TSC2: variants seen among roughly 807,000 people sequenced by gnomAD.
TSC2 encodes the protein tuberin.
A neutral mutation model predicts 202.2 loss-of-function variants in TSC2; 29 were observed. The ratio of observed to expected loss-of-function variants is 0.14; its 90% CI spans 0.11 to 0.20. The LOEUF is 0.20. TSC2 is among the 10% of genes least tolerant of loss of function. The pLI is 1.00. For missense variants in TSC2, 2,429 were observed against 2,420.0 expected (o/e 1.00, Z -0.08); for synonymous variants, 1,349 against 1,044.0 (o/e 1.29, Z -5.63).
intron 16 of TSC2, among the ~76,000 whole-genome samples, chr16:2,068,092 T>G (rs2087652553): frequency 6.6e-6 from 1 of 152,136 alleles, no homozygotes; most frequent in Non-Finnish European, 1.5e-5. Context: ...CAGGCTGGAG[T>G]GCAGCGGCAC....
chr16:2,086,516 C>G (rs1319009167), intron 37 of TSC2, 137 bp downstream of exon 37: 1 of 1,420,966 alleles, frequency 7.0e-7, no homozygotes, highest in East Asian at 2.5e-5. Flanking sequence ...AGGTTCCGAG[C>G]CTAACAGCGT....
In TSC2 at chr16:2,065,571, C is replaced by T. The variant is rs1465307943; in HGVS notation, c.1652C>T (p.Ala551Val). Residue 551 changes from alanine (A) to valine (V), a missense_variant, in exon 16 of 42, where the codon GCC becomes GTC. Physicochemically the swap from Ala to Val is moderately conservative, Grantham distance 64 (BLOSUM62 0). Transcript: ENST00000219476. The part of the protein sequence containing the change: ...PPPELEERDV[A>V]AYSASLEDVK... ...CCGGAGCTGGAAGAAAGGGATGTGG[C>T]CGCATACTCGGCCTCCTTGGAGGAT... 5.6e-6 allele frequency: 9 copies of T among 1,613,894 alleles called. No homozygotes were observed. The highest frequency in any genetic ancestry group is 1.1e-5 in the South Asian group (1 of 91,080).
chr16:2,082,796 C>G, intron 32 of TSC2: 1 of 541,450 alleles, frequency 1.8e-6, no homozygotes, highest in Non-Finnish European at 3.4e-6. Context: ...GTGACATCAG[C>G]TGAGCTGCAG....
chr16:2,055,277 C>T (rs945599685), intron 5 of TSC2, 125 bp from the exon 6 acceptor site: 84 of 812,030 alleles, frequency 1.0e-4, no homozygotes, highest in East Asian at 6.1e-4. Context: ...CTGTTGCTGC[C>T]GGGGGACTGA....
intron 4 of TSC2, 184 bp from the exon 5 acceptor site, chr16:2,054,112 C>T (rs1001235036): frequency 3.3e-5 from 30 of 896,090 alleles, no homozygotes; most frequent in Middle Eastern, 6.7e-4. Flanking sequence ...TGCGGTCGGC[C>T]GGTGCATCCG....
rs2090485397 is a variant in TSC2, at chr16:2,084,276, C to G, written c.4054C>G (p.Leu1352Val). The change falls in exon 34 of 42, where the codon CTG (leucine) becomes GTG (valine). Residue 1352 changes from leucine (L) to valine (V), a missense_variant. Transcript: ENST00000219476. ...QEEKSLHAEE[L>V]VGRGIPIERV... ...GGAGAAGTCGCTCCACGCGGAGGAGCTGGTTGGCAGGGGCATCCCCATCGA... is the reference window on the plus strand; with the variant it reads ...GGAGAAGTCGCTCCACGCGGAGGAGGTGGTTGGCAGGGGCATCCCCATCGA... 1 of 1,611,122 alleles carries G rather than the reference C, an allele frequency of 6.2e-7. No individual in the cohort carries two copies. The highest frequency in any genetic ancestry group is 1.7e-5 in the Admixed American group (1 of 59,892).
chr16:2,071,683 C>CT, intron 18 of TSC2, 67 bp downstream of exon 18: 1 of 1,604,540 alleles, frequency 6.2e-7, no homozygotes, highest in Non-Finnish European at 8.5e-7. Context: ...TGTGGTGGCG[C>CT]TGTTTGCATG....
At chr16:2,050,280 ATC>A in intron 2 of TSC2, 118 bp from the exon 3 acceptor site, 2 of 967,408 alleles carry the variant, frequency 2.1e-6, no homozygotes, top group South Asian at 1.4e-5. Context: ...TTCCAGAAAG[ATC>A]TGTTTTAAGT....
In TSC2 at chr16:2,084,464, T is replaced by A. The variant is rs2151529036; in HGVS notation, c.4242T>A (p.Val1414=). Residue 1414 remains valine, a synonymous_variant, in exon 34 of 42, where the codon GTT becomes GTA. Transcript: ENST00000219476. ...KADVGRLSPE[V]KARSQSGTLD... ...ACGTGGGCCGGCTGAGCCCTGAGGT[T>A]AAGGCCCGGTCACAGTCAGGGACCC... The A allele has an allele frequency of 1.2e-6, 2 of 1,609,328 alleles. No homozygotes were observed. The highest frequency in any genetic ancestry group is 1.7e-6 in the Non-Finnish European group (2 of 1,178,600).
chr16:2,087,825 G>T (rs777681250), intron 38 of TSC2, 38 bp from the exon 39 acceptor site: 1 of 1,604,826 alleles, frequency 6.2e-7, no homozygotes, highest in Non-Finnish European at 8.5e-7. Context: ...TTCAGCACAC[G>T]CTGTGTGCGG....
rs1466279830 is a variant in TSC2, at chr16:2,053,380, G to A, written c.264G>A (p.Leu88=). The A allele has an allele frequency of 6.3e-7, 1 of 1,592,408 alleles. No homozygotes were observed. Among genetic ancestry groups the A allele is most frequent in the Admixed American group, 1.7e-5 (1 of 57,144 alleles). The part of the protein sequence containing the change: ...VEALWKAVAD[L]LQPERPLEAR... ...CACTCTGGAAGGCGGTCGCGGATCT[G>A]TTGCAGCCGGAGCGGCCGCTGGAGG... Residue 88 remains leucine, a synonymous_variant, in exon 4 of 42, where the codon CTG becomes CTA. Coordinates refer to ENST00000219476, the MANE Select transcript of TSC2 (RefSeq NM_000548.5).
chr16:2,050,414 A>T lies in TSC2; in HGVS notation c.153A>T (p.Glu51Asp), dbSNP rs746366461. 2 of 1,613,894 alleles carry T rather than the reference A, an allele frequency of 1.2e-6. No individual in the cohort carries two copies. Among genetic ancestry groups the T allele is most frequent in the Non-Finnish European group, 1.7e-6 (2 of 1,179,928 alleles). Reference sequence around the variant, plus strand: ...TCTCTCTCCAGGAACTGAGCATGGAATGTGGCCTCAACAATCGCATCCGGA... The same window carrying T: ...TCTCTCTCCAGGAACTGAGCATGGATTGTGGCCTCAACAATCGCATCCGGA... ...TAEILRELSMECGLNNRIRMI... is the reference protein window; with the variant it reads ...TAEILRELSMDCGLNNRIRMI... The change falls in exon 3 of 42, where the codon GAA becomes GAT. Residue 51 changes from glutamate (E) to aspartate (D), a missense_variant. By Grantham distance (45) the Glu-to-Asp change is conservative (BLOSUM62 2). Transcript: ENST00000219476.
At chr16:2,055,228 G>A in intron 5 of TSC2, 174 bp from the exon 6 acceptor site, 1 of 692,380 alleles carries the variant, frequency 1.4e-6, no homozygotes, top group African/African-American at 1.7e-5. Flanking sequence ...GCCTGCCCTG[G>A]GCTCCCCTGA....
At chr16:2,062,668 G>A (rs2086789904) in intron 13 of TSC2, 68 bp downstream of exon 13, 23 of 1,502,646 alleles carry the variant, frequency 1.5e-5, no homozygotes, top group Non-Finnish European at 2.0e-5. Context: ...GGGCCCACCC[G>A]GGCTGGGTCT....
chr16:2,049,794 A>G (rs1195711892), intron 2 of TSC2, among the ~76,000 whole-genome samples: 1 of 151,690 alleles, frequency 6.6e-6, no homozygotes, highest in Non-Finnish European at 1.5e-5. Flanking sequence ...ACTGCACTCC[A>G]TCCTGGGGAA....
Position 2,070,511 on chromosome 16 carries a change from T to G in TSC2, c.1772T>G (p.Val591Gly). The change falls in exon 17 of 42, where the codon GTC becomes GGC. Residue 591 changes from valine (V) to glycine (G), a missense_variant. Physicochemically the swap from Val to Gly is moderately radical, Grantham distance 109 (BLOSUM62 -3). Transcript: ENST00000219476. Reference protein sequence around the residue: ...SHATRVYEMLVSHIQLHYKHS... With the variant: ...SHATRVYEMLGSHIQLHYKHS... Reference sequence around the variant, plus strand: ...GCCACGCGTGTGTATGAGATGCTGGTCAGCCACATTCAGCTCCACTACAAG... The same window carrying G: ...GCCACGCGTGTGTATGAGATGCTGGGCAGCCACATTCAGCTCCACTACAAG... The G allele has an allele frequency of 6.2e-7, 1 of 1,613,380 alleles. No homozygotes were observed. The highest frequency in any genetic ancestry group is 8.5e-7 in the Non-Finnish European group (1 of 1,180,036).
intron 16 of TSC2, 40 bp downstream of exon 16, chr16:2,065,675 ATGGCTAGCG>A: frequency 1.3e-6 from 2 of 1,548,672 alleles, no homozygotes; most frequent in Non-Finnish European, 1.8e-6. Flanking sequence ...CGGGGCGCGC[ATGGCTAGCG>A]TCCACCAGCT....
chr16:2,074,934 G>C (rs1045917087), intron 22 of TSC2: 1 of 181,984 alleles, frequency 5.5e-6, no homozygotes, highest in African/African-American at 2.4e-5. Context: ...GTAGAAGCCT[G>C]GCCAGGCGCG....
rs376749850 is a variant in TSC2, at chr16:2,087,076, GTGTC to G, written c.4989+210_4989+213del. On this transcript the variant is annotated intron_variant, in intron 38 of 41. Transcript: ENST00000219476. ...TGAAGCCTGTGGCGCCTGCTGCTGA[GTGTC>G]TGTCAGGAGTAACTGGCAAGTGCAG... is the stretch of plus-strand genomic sequence containing the variant. 1.4e-3 allele frequency: 1,035 copies of G among 739,790 alleles called. 11 individuals are homozygous for G. In the South Asian group the frequency reaches 0.015, roughly 11 times the overall value. The allele number at this position is 739,790 out of a possible 1,614,324, so 45.8% of individuals were successfully genotyped here. A position where few individuals can be genotyped will look rare whatever the true frequency, so the allele number is the denominator to read the frequency against.
Sources: allele counts gnomAD v4.1 joint callset (sites outside exome capture counted in the v4.1 genomes callset), GRCh38; gene constraint gnomAD v4.1.1; transcripts MANE v1.5; gene names NCBI Gene and HGNC (gene_info 2026-07-23, HGNC 2026-07-21).